Variants in CCDC74A observed in about 807,000 individuals in gnomAD.
The protein encoded by CCDC74A is coiled-coil domain-containing protein 74A.
In CCDC74A, 38 loss-of-function variants were observed where a neutral mutation model predicts 37.6. That is an observed-to-expected ratio of 1.01 (90% CI 0.78 to 1.33). The LOEUF is 1.33. Among genes scored for constraint, CCDC74A ranks in the 40% most tolerant of loss-of-function variants. The pLI, the probability that CCDC74A is intolerant of heterozygous loss-of-function variation, is 0.00. For synonymous variants in CCDC74A, 134 were observed against 165.2 expected, an observed-to-expected ratio of 0.81 and a Z score of 1.45; for missense variants, 340 against 403.4, an observed-to-expected ratio of 0.84 and a Z score of 1.35.
upstream of CCDC74A, among the ~76,000 whole-genome samples, chr2:131,525,028 C>G (rs1573507011): frequency 6.6e-6 from 1 of 152,016 alleles, no homozygotes; most frequent in East Asian, 1.9e-4. Flanking sequence ...CACCACTGCA[C>G]TCCTGCCTGG....
At chr2:131,522,744 G>A (rs533670691), upstream of CCDC74A, among the ~76,000 whole-genome samples, 83 of 152,208 alleles carry the variant, frequency 5.5e-4, no homozygotes, top group African/African-American at 1.9e-3. Context: ...CCCGTGATCC[G>A]AGGTAAGTCA....
At position 131,529,513 on chromosome 2, in the gene CCDC74A, T is replaced by C. The variant is rs1028647243; in HGVS notation, c.251-134T>C. The C allele has an allele frequency of 2.5e-6, 3 of 1,198,320 alleles. No individual in the cohort carries two copies. The African/African-American group carries it at 4.5e-5, about 18-fold the overall frequency. The allele number at this position is 1,198,320 out of a possible 1,614,324, so 74.2% of individuals were successfully genotyped here. A position where few individuals can be genotyped will look rare whatever the true frequency, so the allele number is the denominator to read the frequency against. On this transcript the variant is annotated intron_variant, in intron 1 of 7. Coordinates refer to ENST00000409856, the MANE Select transcript of CCDC74A (RefSeq NM_001258306.3). ...AAGGCGTGGTGGAGAGCGGGATCCA[T>C]GGGGCAGGGCCCAATCAGCCAGTGG... is the stretch of plus-strand genomic sequence containing the variant.
chr2:131,531,966 G>A (rs541514958), intron 4 of CCDC74A, among the ~76,000 whole-genome samples, 164 bp downstream of exon 4: 9 of 147,816 alleles, frequency 6.1e-5, no homozygotes, highest in African/African-American at 1.7e-4. Flanking sequence ...AGCAGATGAC[G>A]GCCACGCTCT....
chr2:131,523,803 C>T (rs1680207872), upstream of CCDC74A, among the ~76,000 whole-genome samples: 1 of 152,028 alleles, frequency 6.6e-6, no homozygotes, highest in Non-Finnish European at 1.5e-5. Context: ...CAGGGGCACC[C>T]CACCCGAAAA....
chr2:131,529,465 T>C (rs751728759), intron 1 of CCDC74A, 182 bp from the exon 2 acceptor site: 3 of 806,968 alleles, frequency 3.7e-6, no homozygotes, highest in East Asian at 2.6e-5. Flanking sequence ...GGCAGGGCCA[T>C]TCCTGGCCTG....
intron 1 of CCDC74A, chr2:131,528,590 C>T (rs1680613709): frequency 3.0e-6 from 3 of 987,788 alleles, no homozygotes; most frequent in East Asian, 2.8e-5. Flanking sequence ...ACGGGCGGAT[C>T]ACGAGGTCAG....
At chr2:131,533,193 G>C in intron 7 of CCDC74A, 76 bp from the exon 8 acceptor site, 1 of 1,607,622 alleles carries the variant, frequency 6.2e-7, no homozygotes, top group South Asian at 1.1e-5. Flanking sequence ...GCCCCCGTGA[G>C]GGCCATGCAG....
upstream of CCDC74A, among the ~76,000 whole-genome samples, chr2:131,522,707 G>A (rs184905623): frequency 7.0e-4 from 107 of 152,170 alleles, 1 homozygote; most frequent in African/African-American, 2.3e-3. Flanking sequence ...CCACTCCCAC[G>A]ATCTACCGCT....
At chr2:131,524,886 CAAAAAAAAAAA>C (rs57589680), upstream of CCDC74A, among the ~76,000 whole-genome samples, 49 of 98,254 alleles carry the variant, frequency 5.0e-4, no homozygotes, top group Non-Finnish European at 6.6e-4. Flanking sequence ...CATAGTAAGA[CAAAAAAAAAAA>C]AAAAAAAAAA....
At chr2:131,531,830 A>G in intron 4 of CCDC74A, 28 bp downstream of exon 4, 1 of 1,541,178 alleles carries the variant, frequency 6.5e-7, no homozygotes, top group Non-Finnish European at 8.7e-7. Flanking sequence ...CTGGGGTGCA[A>G]GGGCAGGCCA....
At position 131,528,391 on chromosome 2, in the gene CCDC74A, G is replaced by A. The variant is rs765278611; in HGVS notation, c.250+171G>A. The A allele has an allele frequency of 4.5e-6, 7 of 1,550,256 alleles. No homozygotes were observed. In the South Asian group the frequency reaches 7.1e-5, roughly 16 times the overall value. On this transcript the variant is annotated intron_variant, in intron 1 of 7. Transcript: ENST00000409856. ...CTGAGCTGTCCCCTCCTCCCAGAGGGAGACCCGCGTGGCCCCCGGGCAGTG... is the reference window on the plus strand; with the variant it reads ...CTGAGCTGTCCCCTCCTCCCAGAGGAAGACCCGCGTGGCCCCCGGGCAGTG...
chr2:131,529,926 G>T, intron 2 of CCDC74A: 2 of 1,500,794 alleles, frequency 1.3e-6, no homozygotes, highest in Non-Finnish European at 1.8e-6. Flanking sequence ...ATTGCAGTGG[G>T]GAGGTGGGCA....
upstream of CCDC74A, among the ~76,000 whole-genome samples, chr2:131,524,886 C>CA (rs57589680): frequency 0.2 from 19,624 of 97,784 alleles, 2,136 homozygotes; most frequent in Non-Finnish European, 0.27. Flanking sequence ...CATAGTAAGA[C>CA]AAAAAAAAAA....
At chr2:131,525,195 C>G (rs906676216), upstream of CCDC74A, among the ~76,000 whole-genome samples, 2 of 152,126 alleles carry the variant, frequency 1.3e-5, no homozygotes, top group African/African-American at 2.4e-5. Context: ...TATATTTTAT[C>G]TTAATTTATT....
chr2:131,528,812 A>AAAAAAC (rs1326511613), intron 1 of CCDC74A, among the ~76,000 whole-genome samples: 1 of 152,184 alleles, frequency 6.6e-6, no homozygotes, highest in Admixed American at 6.5e-5. Flanking sequence ...CTCCGTCTCA[A>AAAAAAC]AAAAACAAAA....
the CCDC74A span, among the ~76,000 whole-genome samples, chr2:131,522,624 C>T: frequency 3.4e-3 from 514 of 152,310 alleles, 2 homozygotes; most frequent in African/African-American, 0.012. Context: ...CCTGACACCA[C>T]CCCTGCCCCT....
At chr2:131,530,676 C>G in intron 2 of CCDC74A, 101 bp from the exon 3 acceptor site, 1 of 1,613,154 alleles carries the variant, frequency 6.2e-7, no homozygotes, top group Non-Finnish European at 8.5e-7. Flanking sequence ...GAGGACCCAG[C>G]CCTGCCAGGC....
chr2:131,528,021 C>T lies in CCDC74A; in HGVS notation c.51C>T (p.Thr17=). The T allele has an allele frequency of 6.7e-7, 1 of 1,483,892 alleles. No homozygotes were observed. Among genetic ancestry groups the T allele is most frequent in the Non-Finnish European group, 8.9e-7 (1 of 1,119,394 alleles). 91.9% of individuals were successfully genotyped at this position (1,483,892 alleles called of 1,614,324 possible). The change falls in exon 1 of 8, where the codon ACC becomes ACT. Residue 17 remains threonine (T), a synonymous_variant. Coordinates refer to ENST00000409856, the MANE Select transcript of CCDC74A (RefSeq NM_001258306.3). ...GGACGCGGCCCCCCAGCTCGCCGACCCCGGGCTCTCGGCGCCGGCGCCAGC... is the reference window on the plus strand; with the variant it reads ...GGACGCGGCCCCCCAGCTCGCCGACTCCGGGCTCTCGGCGCCGGCGCCAGC... The part of the protein sequence containing the change: ...AAGTRPPSSP[T]PGSRRRRQRP...
chr2:131,528,384 C>T (rs1680551058), intron 1 of CCDC74A, 164 bp downstream of exon 1: 1 of 1,550,004 alleles, frequency 6.5e-7, no homozygotes, highest in Non-Finnish European at 8.7e-7. Flanking sequence ...TCCCCTCCTC[C>T]CAGAGGGAGA....
Sources: allele counts gnomAD v4.1 joint callset (sites outside exome capture counted in the v4.1 genomes callset), GRCh38; gene constraint gnomAD v4.1.1; transcripts MANE v1.5; gene names NCBI Gene and HGNC (gene_info 2026-07-23, HGNC 2026-07-21).